The following ADPRM variants were observed in gnomAD, a reference collection of about 807,000 sequenced individuals.
ADPRM encodes ADP-ribose/CDP-alcohol diphosphatase, manganese dependent.
A neutral mutation model predicts 27.2 loss-of-function variants in ADPRM; 17 were observed. That is an observed-to-expected ratio of 0.63 (90% CI 0.43 to 0.94). The LOEUF (loss-of-function observed/expected upper bound fraction) is 0.94, where lower values mean the gene tolerates loss of function less well. ADPRM is among the 40% of genes least tolerant of loss of function. The probability of loss-of-function intolerance (pLI) is 0.00; values close to 1 mark genes in which losing one functional copy is unlikely to be tolerated. For missense variants in ADPRM, 337 were observed against 412.8 expected (o/e 0.82, Z 1.59); for synonymous variants, 135 against 145.3 (o/e 0.93, Z 0.51).
In ADPRM at chr17:10,705,482, A is replaced by T. The variant is rs766893382; in HGVS notation, c.556A>T (p.Ile186Leu). ...SSPKYEQCMK[I>L]LREHNPNTEL... Reference sequence around the variant, plus strand: ...TCCAAAATACGAGCAGTGTATGAAGATATTGAGGGAGCACAATCCAAATAC... The same window carrying T: ...TCCAAAATACGAGCAGTGTATGAAGTTATTGAGGGAGCACAATCCAAATAC... Residue 186 changes from isoleucine to leucine, a missense_variant, in exon 2 of 4, where the codon ATA becomes TTA. Physicochemically the swap from Ile to Leu is conservative, Grantham distance 5. Coordinates refer to ENST00000379774, the MANE Select transcript of ADPRM (RefSeq NM_020233.5). The surrounding 1 kb of genome is among the most constrained non-coding windows in gnomAD (Gnocchi z 5.4). 2.5e-6 allele frequency: 4 copies of T among 1,613,988 alleles called. No individual in the cohort carries two copies. The South Asian group carries it at 4.4e-5, about 18-fold the overall frequency.
At position 10,711,162 on chromosome 17, in the gene ADPRM, T is replaced by C; in HGVS notation, c.*18T>C. On this transcript the variant is annotated 3_prime_UTR_variant, in exon 4 of 4. Transcript: ENST00000379774. ...ATTGTTAGTCTAATTTATTTTAACTTGATAGAAAATGAGCTTTGTGTTTGT... is the reference window on the plus strand; with the variant it reads ...ATTGTTAGTCTAATTTATTTTAACTCGATAGAAAATGAGCTTTGTGTTTGT... The C allele has an allele frequency of 6.4e-7, 1 of 1,566,158 alleles. No individual in the cohort carries two copies. The highest frequency in any genetic ancestry group is 1.2e-5 in the South Asian group (1 of 85,640).
intron 3 of ADPRM, 45 bp downstream of exon 3, chr17:10,706,599 G>T (rs377047183): frequency 7.4e-7 from 1 of 1,353,250 alleles, no homozygotes; most frequent in Non-Finnish European, 1.0e-6. Context: ...TTAGAGATTG[G>T]GAAAAGTTAG....
At chr17:10,703,056 G>A (rs2074788713) in intron 1 of ADPRM, among the ~76,000 whole-genome samples, 1 of 152,170 alleles carries the variant, frequency 6.6e-6, no homozygotes, top group Non-Finnish European at 1.5e-5. Flanking sequence ...AACTCTTAAT[G>A]GTTAATATAA....
At chr17:10,704,850 A>T in intron 1 of ADPRM, 60 bp from the exon 2 acceptor site, 1 of 1,336,630 alleles carries the variant, frequency 7.5e-7, no homozygotes, top group Non-Finnish European at 1.0e-6. Flanking sequence ...TCATTTTCTT[A>T]AGTGAAATTG....
chr17:10,699,518 CTTTTTTTTTTT>C (rs781412834), intron 1 of ADPRM, among the ~76,000 whole-genome samples: 4 of 113,320 alleles, frequency 3.5e-5, no homozygotes, highest in Admixed American at 1.8e-4. Context: ...TCTTTTCTTT[CTTTTTTTTTTT>C]TTTTTTTTTT....
intron 3 of ADPRM, among the ~76,000 whole-genome samples, chr17:10,710,572 T>C (rs1597518806): frequency 1.3e-5 from 2 of 152,346 alleles, no homozygotes; most frequent in East Asian, 3.9e-4. Flanking sequence ...TGAGATGACG[T>C]AGGCCTCAGA....
At chr17:10,704,545 CAG>C (rs2074801281) in intron 1 of ADPRM, among the ~76,000 whole-genome samples, 1 of 146,846 alleles carries the variant, frequency 6.8e-6, no homozygotes, top group Admixed American at 6.8e-5. Context: ...GTTTGTGGGA[CAG>C]GGGTATATGT....
chr17:10,698,682 A>G (rs1264679595), intron 1 of ADPRM, among the ~76,000 whole-genome samples: 2 of 152,218 alleles, frequency 1.3e-5, no homozygotes, highest in Admixed American at 1.3e-4. Flanking sequence ...CTAACCCAGT[A>G]ACGGAACATA....
chr17:10,698,558 C>T (rs1289499760), intron 1 of ADPRM, among the ~76,000 whole-genome samples: 1 of 152,108 alleles, frequency 6.6e-6, no homozygotes, highest in Non-Finnish European at 1.5e-5. Flanking sequence ...TTTTTTTCCC[C>T]CATGGGACCG....
chr17:10,706,561 A>C lies in ADPRM; in HGVS notation c.718+7A>C. The C allele has an allele frequency of 6.5e-7, 1 of 1,545,024 alleles. No individual in the cohort carries two copies. The highest frequency in any genetic ancestry group is 1.4e-5 in the African/African-American group (1 of 71,680). On this transcript the variant is annotated splice_region_variant and intron_variant, in intron 3 of 3. Transcript: ENST00000379774. ...GAAAAGGTGGTGATTGTGAGTAAGT[A>C]TTTAATTTATCTGATTACACTAACA... is the stretch of plus-strand genomic sequence containing the variant.
At position 10,705,190 on chromosome 17, in the gene ADPRM, G is replaced by A; in HGVS notation, c.264G>A (p.Lys88=). 3 of 1,614,070 alleles carry A rather than the reference G, an allele frequency of 1.9e-6. No individual in the cohort carries two copies. Among genetic ancestry groups the A allele is most frequent in the Non-Finnish European group, 2.5e-6 (3 of 1,179,994 alleles). ...GYNAQYNASK[K]SLELVMDMFK... is the part of the protein sequence containing the mutation. Reference sequence around the variant, plus strand: ...ATGCACAGTATAATGCATCCAAAAAGTCCCTAGAACTTGTTATGGACATGT... The same window carrying A: ...ATGCACAGTATAATGCATCCAAAAAATCCCTAGAACTTGTTATGGACATGT... The change falls in exon 2 of 4, where the codon AAG becomes AAA. Residue 88 remains lysine, a synonymous_variant. Transcript: ENST00000379774. The surrounding 1 kb of genome is among the most constrained non-coding windows in gnomAD (Gnocchi z 5.4).
chr17:10,706,595 A>T, intron 3 of ADPRM, 41 bp downstream of exon 3: 1 of 1,413,746 alleles, frequency 7.1e-7, no homozygotes, highest in Non-Finnish European at 9.5e-7. Flanking sequence ...CATTTTAGAG[A>T]TTGGGAAAAG....
intron 1 of ADPRM, chr17:10,698,136 A>T (rs2074748305): frequency 6.5e-6 from 1 of 152,900 alleles, no homozygotes; most frequent in South Asian, 2.0e-4. Flanking sequence ...GCTTCTAGTT[A>T]TTTAACATTA....
chr17:10,699,704 A>G (rs966440407), intron 1 of ADPRM, among the ~76,000 whole-genome samples: 4 of 151,498 alleles, frequency 2.6e-5, no homozygotes, highest in African/African-American at 9.7e-5. Flanking sequence ...TAAAAAATAT[A>G]TATATTTTTA....
rs191283617 is a variant in ADPRM, at chr17:10,705,443, G to A, written c.517G>A (p.Val173Met). Residue 173 changes from valine (V) to methionine (M), a missense_variant, in exon 2 of 4, where the codon GTG becomes ATG. Coordinates refer to ENST00000379774, the MANE Select transcript of ADPRM (RefSeq NM_020233.5). This position sits in a 1 kb window ranked among gnomAD's most constrained non-coding sequence, Gnocchi z 5.4. ...LDAYDLSVLG[V>M]DQSSPKYEQC... ...TGCATATGACTTGAGTGTCTTGGGC[G>A]TGGATCAGTCTTCTCCAAAATACGA... 17 of 1,614,062 alleles carry A rather than the reference G, an allele frequency of 1.1e-5. No homozygotes were observed. Among genetic ancestry groups the A allele is most frequent in the Middle Eastern group, 1.6e-4 (1 of 6,062 alleles).
In ADPRM at chr17:10,711,242, G is replaced by A; in HGVS notation, c.*98G>A. 1.1e-6 allele frequency: 1 copy of A among 941,770 alleles called. No individual in the cohort carries two copies. Among genetic ancestry groups the A allele is most frequent in the Non-Finnish European group, 1.6e-6 (1 of 643,822 alleles). The allele number at this position is 941,770 out of a possible 1,614,324, so 58.3% of individuals were successfully genotyped here. ...TGTCTCATTGTTTAGTATTCAGCTTGCATAACAAAATGTATTTATAGTTTC... is the reference window on the plus strand; with the variant it reads ...TGTCTCATTGTTTAGTATTCAGCTTACATAACAAAATGTATTTATAGTTTC... On this transcript the variant is annotated 3_prime_UTR_variant, in exon 4 of 4. Transcript: ENST00000379774.
At chr17:10,709,025 C>A (rs573067141) in intron 3 of ADPRM, among the ~76,000 whole-genome samples, 1 of 152,294 alleles carries the variant, frequency 6.6e-6, no homozygotes, top group African/African-American at 2.4e-5. Flanking sequence ...CTTTTAAAAA[C>A]GGAATGATTG....
chr17:10,710,532 C>T (rs1211506108), intron 3 of ADPRM, among the ~76,000 whole-genome samples: 1 of 152,228 alleles, frequency 6.6e-6, no homozygotes, highest in Non-Finnish European at 1.5e-5. Flanking sequence ...GCATAGGACA[C>T]CCTTGATCTT....
chr17:10,710,292 G>A (rs186161632), intron 3 of ADPRM, among the ~76,000 whole-genome samples: 1 of 152,272 alleles, frequency 6.6e-6, no homozygotes, highest in African/African-American at 2.4e-5. Flanking sequence ...AGTAGAGACA[G>A]GGTTTCACCA....
Sources: gnomAD v4.1 joint callset for allele counts (sites outside exome capture counted in the v4.1 genomes callset) on GRCh38, gnomAD v4.1.1 for gene constraint, Gnocchi (gnomAD v3.1) non-coding constraint, MANE v1.5 for transcripts, NCBI Gene and HGNC (gene_info 2026-07-23, HGNC 2026-07-21) for gene names.